The following PGCKA1 variants were observed in gnomAD, a reference collection of about 807,000 sequenced individuals.
The protein encoded by PGCKA1 is PDCD10 and GCKIII kinases-associated protein 1.
chr4:37,538,507 G>T, the PGCKA1 span, among the ~76,000 whole-genome samples: 1 of 152,216 alleles, frequency 6.6e-6, no homozygotes, highest in African/African-American at 2.4e-5. Context: ...AAGAGCTTGT[G>T]CTGCAAAGAG....
At chr4:37,592,354 A>G in the PGCKA1 span, among the ~76,000 whole-genome samples, 493 of 11,302 alleles carry the variant, frequency 0.044, 1 homozygote, top group Middle Eastern at 0.075. Context: ...CATCTCTATG[A>G]AAAAAAAAAA....
chr4:37,497,215 A>G, the PGCKA1 span, among the ~76,000 whole-genome samples: 33 of 152,314 alleles, frequency 2.2e-4, no homozygotes, highest in South Asian at 6.6e-3. Context: ...TACTTCACTT[A>G]GAATACTAGT....
chr4:37,528,316 G>A, the PGCKA1 span, among the ~76,000 whole-genome samples: 1 of 152,148 alleles, frequency 6.6e-6, no homozygotes, highest in African/African-American at 2.4e-5. Flanking sequence ...ATGTAATCAC[G>A]ACATCTAGTG....
chr4:37,517,747 A>G, the PGCKA1 span, among the ~76,000 whole-genome samples: 1 of 152,320 alleles, frequency 6.6e-6, no homozygotes, highest in African/African-American at 2.4e-5. Flanking sequence ...TTATCCTTTG[A>G]GTTACAAACA....
At chr4:37,542,077 C>A in the PGCKA1 span, among the ~76,000 whole-genome samples, 1 of 152,192 alleles carries the variant, frequency 6.6e-6, no homozygotes, top group East Asian at 1.9e-4. Context: ...TTCCATTGGA[C>A]AGGCCGGGTC....
the PGCKA1 span, among the ~76,000 whole-genome samples, chr4:37,560,455 T>G: frequency 6.6e-6 from 1 of 152,200 alleles, no homozygotes; most frequent in Non-Finnish European, 1.5e-5. Flanking sequence ...TGCCGGGCAC[T>G]GCTGGGAGAG....
the PGCKA1 span, among the ~76,000 whole-genome samples, chr4:37,567,971 G>A: frequency 0.16 from 24,907 of 152,220 alleles, 2,334 homozygotes; most frequent in Non-Finnish European, 0.23. Context: ...GACAAAAGGA[G>A]TGACATCATC....
the PGCKA1 span, among the ~76,000 whole-genome samples, chr4:37,510,003 G>A: frequency 1.3e-5 from 2 of 151,270 alleles, no homozygotes; most frequent in Admixed American, 1.3e-4. Context: ...GGGGGAGGGG[G>A]AGAGGGAGAG....
the PGCKA1 span, among the ~76,000 whole-genome samples, chr4:37,545,674 C>T: frequency 6.6e-6 from 1 of 152,108 alleles, no homozygotes; most frequent in Non-Finnish European, 1.5e-5. Flanking sequence ...GGTAGTTGGA[C>T]GTGTTTGTCC....
the PGCKA1 span, among the ~76,000 whole-genome samples, chr4:37,572,785 GA>G: frequency 6.6e-6 from 1 of 152,228 alleles, no homozygotes; most frequent in Non-Finnish European, 1.5e-5. Context: ...ATTTGTGCAT[GA>G]AACAAAATTT....
the PGCKA1 span, chr4:37,590,458 C>A: frequency 7.5e-6 from 12 of 1,610,626 alleles, no homozygotes; most frequent in African/African-American, 1.3e-5. Flanking sequence ...CCCAACTCAA[C>A]CCTTCCTGGA....
chr4:37,499,888 TG>T, the PGCKA1 span, among the ~76,000 whole-genome samples: 3 of 151,676 alleles, frequency 2.0e-5, no homozygotes, highest in Non-Finnish European at 4.4e-5. Flanking sequence ...TCAGTTGTGA[TG>T]TTAAGTTGTT....
chr4:37,496,204 C>A, the PGCKA1 span, among the ~76,000 whole-genome samples: 2 of 152,166 alleles, frequency 1.3e-5, no homozygotes, highest in African/African-American at 4.8e-5. Flanking sequence ...GTTCCTATGT[C>A]CAAAATGGTA....
At chr4:37,512,857 AG>A in the PGCKA1 span, among the ~76,000 whole-genome samples, 1 of 152,018 alleles carries the variant, frequency 6.6e-6, no homozygotes. Context: ...GGGAGGCCGA[AG>A]GGGGCAGATC....
chr4:37,568,668 A>G, the PGCKA1 span, among the ~76,000 whole-genome samples: 1 of 152,240 alleles, frequency 6.6e-6, no homozygotes, highest in Admixed American at 6.5e-5. Flanking sequence ...GCGAAGAGCT[A>G]GTTCACAAAC....
the PGCKA1 span, among the ~76,000 whole-genome samples, chr4:37,511,543 G>C: frequency 0.51 from 77,950 of 151,774 alleles, 20,397 homozygotes; most frequent in African/African-American, 0.6. Context: ...TGACCAGTAC[G>C]CTATCATACT....
At chr4:37,481,463 CCAAAAAAAAAA>C in the PGCKA1 span, among the ~76,000 whole-genome samples, 1 of 14,922 alleles carries the variant, frequency 6.7e-5, no homozygotes. Flanking sequence ...AGACCTGTCT[CCAAAAAAAAAA>C]AAAAAAAAAA....
chr4:37,536,488 C>T, the PGCKA1 span, among the ~76,000 whole-genome samples: 1 of 152,114 alleles, frequency 6.6e-6, no homozygotes, highest in African/African-American at 2.4e-5. Flanking sequence ...GCAGTGATCT[C>T]CAGGCTGGAC....
chr4:37,587,732 G>T, the PGCKA1 span, among the ~76,000 whole-genome samples: 1 of 152,192 alleles, frequency 6.6e-6, no homozygotes, highest in South Asian at 2.1e-4. Flanking sequence ...CCTTTGAGAG[G>T]CCAAGGCAGG....
Sources: allele counts gnomAD v4.1 joint callset (sites outside exome capture counted in the v4.1 genomes callset), GRCh38; gene constraint gnomAD v4.1.1; transcripts MANE v1.5; gene names NCBI Gene and HGNC (gene_info 2026-07-23, HGNC 2026-07-21).